The following HNRNPLL variants were observed in gnomAD, a reference collection of about 807,000 sequenced individuals.
HNRNPLL encodes heterogeneous nuclear ribonucleoprotein L like, also known as heterogeneous nuclear ribonucleoprotein L-like.
In HNRNPLL, 25 loss-of-function variants were observed where a neutral mutation model predicts 67.1. The ratio of observed to expected loss-of-function variants is 0.37; its 90% CI spans 0.27 to 0.52. HNRNPLL has a LOEUF of 0.52. HNRNPLL is among the 20% of genes least tolerant of loss of function. The pLI is 0.90. For synonymous variants in HNRNPLL, 267 were observed against 241.7 expected (o/e 1.10, Z -0.97); for missense variants, 542 against 673.9 (o/e 0.80, Z 2.17).
intron 6 of HNRNPLL, among the ~76,000 whole-genome samples, chr2:38,579,350 G>A (rs1432441375): frequency 6.6e-6 from 1 of 151,776 alleles, no homozygotes; most frequent in Non-Finnish European, 1.5e-5. Context: ...CATGGCACAT[G>A]TATACATATG....
intron 8 of HNRNPLL, among the ~76,000 whole-genome samples, chr2:38,571,559 A>T (rs539760186): frequency 6.6e-6 from 1 of 152,338 alleles, no homozygotes; most frequent in Non-Finnish European, 1.5e-5. Flanking sequence ...AACAAAACTC[A>T]GTCGTAACAG....
intron 8 of HNRNPLL, 104 bp from the exon 9 acceptor site, chr2:38,570,029 G>T: frequency 2.7e-6 from 2 of 733,906 alleles, no homozygotes; most frequent in Non-Finnish European, 4.5e-6. Flanking sequence ...AAATACGGAA[G>T]ATCACCTGGA....
At chr2:38,579,758 AAAAAAATGTT>A (rs1416813831) in intron 6 of HNRNPLL, among the ~76,000 whole-genome samples, 4 of 152,102 alleles carry the variant, frequency 2.6e-5, no homozygotes, top group African/African-American at 4.8e-5. Flanking sequence ...TTGGTTAAAA[AAAAAAATGTT>A]ATGAAGGTCT....
intron 3 of HNRNPLL, among the ~76,000 whole-genome samples, chr2:38,585,114 G>A (rs1199564377): frequency 6.6e-6 from 1 of 151,986 alleles, no homozygotes; most frequent in Non-Finnish European, 1.5e-5. Flanking sequence ...TTATGAAACA[G>A]CATGTGAGTA....
intron 1 of HNRNPLL, among the ~76,000 whole-genome samples, chr2:38,596,935 C>A (rs1474232087): frequency 2.0e-5 from 3 of 152,224 alleles, no homozygotes; most frequent in Admixed American, 6.5e-5. Context: ...TATTTGGTCT[C>A]TACTACAGGC....
chr2:38,584,945 A>C (rs1666667096), intron 3 of HNRNPLL, among the ~76,000 whole-genome samples: 1 of 151,998 alleles, frequency 6.6e-6, no homozygotes, highest in Non-Finnish European at 1.5e-5. Context: ...GTCTATATTT[A>C]AAATACAAAA....
At chr2:38,566,895 T>C (rs1274057029) in intron 12 of HNRNPLL, among the ~76,000 whole-genome samples, 1 of 151,092 alleles carries the variant, frequency 6.6e-6, no homozygotes, top group African/African-American at 2.4e-5. Context: ...TTTATTACAA[T>C]AACAGAAAAA....
In HNRNPLL at chr2:38,596,800, C is replaced by A. The variant is rs116643824; in HGVS notation, c.190-5152G>T. ...TCTCTCTTTCTGTATCTATTGCTTA[C>A]CAGACTAGAAACAATATCCCAGCTG... On this transcript the variant is annotated intron_variant, in intron 1 of 12. Transcript: ENST00000449105. 2.0e-3 allele frequency among the ~76,000 whole-genome samples: 307 copies of A among 152,178 alleles called. 1 individual carries two copies. The highest frequency in any genetic ancestry group is 7.2e-3 in the African/African-American group (297 of 41,500).
At chr2:38,568,335 G>A (rs1163745195) in intron 11 of HNRNPLL, 38 bp from the exon 12 acceptor site, 1 of 1,600,730 alleles carries the variant, frequency 6.2e-7, no homozygotes, top group Non-Finnish European at 8.6e-7. Context: ...ATTATTACTT[G>A]CTTATCACCA....
At chr2:38,590,519 AAG>A (rs1314329852) in intron 2 of HNRNPLL, among the ~76,000 whole-genome samples, 1 of 152,222 alleles carries the variant, frequency 6.6e-6, no homozygotes, top group Admixed American at 6.5e-5. Context: ...TATCTATACT[AAG>A]AAAAGAACAA....
At position 38,602,783 on chromosome 2, in the gene HNRNPLL, C is replaced by A. The variant is rs1366923123; in HGVS notation, c.-157G>T. 2.0e-6 allele frequency: 3 copies of A among 1,530,340 alleles called. No individual in the cohort carries two copies. The highest frequency in any genetic ancestry group is 1.4e-5 in the African/African-American group (1 of 70,158). 94.8% of individuals were successfully genotyped at this position (1,530,340 alleles called of 1,614,324 possible). On this transcript the variant is annotated 5_prime_UTR_variant, in exon 1 of 13. Coordinates refer to ENST00000449105, the MANE Select transcript of HNRNPLL (RefSeq NM_138394.4). Reference sequence around the variant, plus strand: ...GGGGACTGCGCGGCCAGGAGACTGGCGGCTGAGAAGCGCGGACGGACTGAG... The same window carrying A: ...GGGGACTGCGCGGCCAGGAGACTGGAGGCTGAGAAGCGCGGACGGACTGAG...
rs539635622 is a variant in HNRNPLL at position 38,570,819 on chromosome 2, C to G, written c.1093-894G>C. 9.8e-4 allele frequency among the ~76,000 whole-genome samples: 148 copies of G among 151,784 alleles called. 2 individuals carry two copies. Among genetic ancestry groups the G allele is most frequent in the Non-Finnish European group, 7.7e-4 (52 of 67,896 alleles). ...ACTTTTGAGAGGCCAAGGTGGGATGCTTGTTTGAGCCTAGGAGCTTGAGAC... is the reference window on the plus strand; with the variant it reads ...ACTTTTGAGAGGCCAAGGTGGGATGGTTGTTTGAGCCTAGGAGCTTGAGAC... On this transcript the variant is annotated intron_variant, in intron 8 of 12. Transcript: ENST00000449105.
intron 6 of HNRNPLL, among the ~76,000 whole-genome samples, chr2:38,579,753 TAA>T (rs561479570): frequency 6.8e-6 from 1 of 147,912 alleles, no homozygotes; most frequent in Non-Finnish European, 1.5e-5. Context: ...TTTTTTTGGT[TAA>T]AAAAAAAAAT....
At chr2:38,589,317 T>C (rs1666869603) in intron 2 of HNRNPLL, among the ~76,000 whole-genome samples, 1 of 152,228 alleles carries the variant, frequency 6.6e-6, no homozygotes, top group African/African-American at 2.4e-5. Flanking sequence ...CATTTTAATA[T>C]AAGCAGTTTC....
Position 38,581,945 on chromosome 2 carries a change from CAACT to C in HNRNPLL, c.766_769del (p.Ser256GlyfsTer81). Reference sequence around the variant, plus strand: ...TCCCAAATATGGTTTAGTGTAGTCCCAACTGTCATTGTCATTCCTAATAACATTT... The same window carrying C: ...TCCCAAATATGGTTTAGTGTAGTCCCGTCATTGTCATTCCTAATAACATTT... On this transcript the variant is annotated frameshift_variant, in exon 6 of 13. Transcript: ENST00000449105. LOFTEE classifies it high-confidence loss of function. 6.2e-7 allele frequency: 1 copy of C among 1,612,686 alleles called. No homozygotes were observed. The highest frequency in any genetic ancestry group is 8.5e-7 in the Non-Finnish European group (1 of 1,178,828).
rs773576190 is a variant in HNRNPLL, at chr2:38,568,429, A to G, written c.1431T>C (p.His477=). Residue 477 remains histidine (H), a synonymous_variant, in exon 11 of 13, where the codon CAT becomes CAC. Coordinates refer to ENST00000449105, the MANE Select transcript of HNRNPLL (RefSeq NM_138394.4). Reference sequence around the variant, plus strand: ...TATATTTGATGAATGTAAGAACTTCATGGTCATTACACAACTGTCAAAGAA... The same window carrying G: ...TATATTTGATGAATGTAAGAACTTCGTGGTCATTACACAACTGTCAAAGAA... ...EETFTKLCND[H]EVLTFIKYKV... The G allele has an allele frequency of 6.2e-7, 1 of 1,603,198 alleles. No homozygotes were observed.
intron 2 of HNRNPLL, among the ~76,000 whole-genome samples, chr2:38,588,328 T>C (rs922534593): frequency 6.6e-6 from 1 of 151,972 alleles, no homozygotes; most frequent in Non-Finnish European, 1.5e-5. Flanking sequence ...GGTGGGTGGA[T>C]CACAAGGTCA....
At chr2:38,587,310 G>A (rs1371987285) in intron 2 of HNRNPLL, among the ~76,000 whole-genome samples, 2 of 152,118 alleles carry the variant, frequency 1.3e-5, no homozygotes, top group African/African-American at 2.4e-5. Context: ...AACTCTAAGC[G>A]GATTGCCTTG....
At chr2:38,602,361 G>T in intron 1 of HNRNPLL, 77 bp downstream of exon 1, 1 of 1,389,850 alleles carries the variant, frequency 7.2e-7, no homozygotes, top group Non-Finnish European at 9.7e-7. Flanking sequence ...ACTGAAGCAA[G>T]CGGGAGGCCC....
Sources: allele counts gnomAD v4.1 joint callset (sites outside exome capture counted in the v4.1 genomes callset), GRCh38; gene constraint gnomAD v4.1.1; transcripts MANE v1.5; gene names NCBI Gene and HGNC (gene_info 2026-07-23, HGNC 2026-07-21).